DCUN1D2: variants seen among roughly 807,000 people sequenced by gnomAD.
The protein encoded by DCUN1D2 is DCN1-like protein 2.
DCUN1D2 carries 29 observed loss-of-function variants against 30.9 expected under a neutral mutation model. The observed-to-expected ratio is 0.94, with a 90% CI of 0.70 to 1.28. The LOEUF is 1.28. Ranked by LOEUF, DCUN1D2 falls within the 50% of genes most tolerant of loss-of-function variation. DCUN1D2 has a pLI of 0.00. For missense variants in DCUN1D2, 325 were observed against 316.9 expected (o/e 1.03, Z -0.19); for synonymous variants, 121 against 115.3 (o/e 1.05, Z -0.32).
chr13:113,479,117 G>A lies in DCUN1D2; in HGVS notation c.389+1458C>T, dbSNP rs141213281. 481 of 152,230 alleles carry A rather than the reference G, an allele frequency of 3.2e-3. 4 individuals carry two copies. Among genetic ancestry groups the A allele is most frequent in the African/African-American group, 0.011 (456 of 41,560 alleles). 9.4% of individuals were successfully genotyped at this position (152,230 alleles called of 1,614,324 possible). A position where few individuals can be genotyped will look rare whatever the true frequency, so the allele number is the denominator to read the frequency against. ...AAAAGAATATGTATTCTTAAGCATC[G>A]AAGGCAACATTCTAAATGTTCTCCT... On this transcript the variant is annotated intron_variant, in intron 3 of 6. Transcript: ENST00000478244.
intron 6 of DCUN1D2, among the ~76,000 whole-genome samples, chr13:113,458,447 T>C (rs866250740): frequency 3.3e-5 from 5 of 152,176 alleles, no homozygotes; most frequent in African/African-American, 7.2e-5. Context: ...CCTCAGGTCA[T>C]TGGTATTCTT....
chr13:113,461,060 G>T lies in DCUN1D2; in HGVS notation c.597C>A (p.Phe199Leu). Residue 199 changes from phenylalanine (F) to leucine (L), a missense_variant, in exon 5 of 7, where the codon TTC becomes TTA. By Grantham distance (22) the Phe-to-Leu change is conservative. Transcript: ENST00000478244. ...RFKFLDLWNT[F>L]LMEHHKRSIP... is the part of the protein sequence containing the mutation. Reference sequence around the variant, plus strand: ...GATGCAGGAGGACACTTACCATTAAGAATGTGTTCCAGAGATCTAAAAATT... The same window carrying T: ...GATGCAGGAGGACACTTACCATTAATAATGTGTTCCAGAGATCTAAAAATT... 1 of 1,603,720 alleles carries T rather than the reference G, an allele frequency of 6.2e-7. No individual in the cohort carries two copies. Among genetic ancestry groups the T allele is most frequent in the Non-Finnish European group, 8.5e-7 (1 of 1,171,840 alleles).
intron 2 of DCUN1D2, among the ~76,000 whole-genome samples, chr13:113,480,974 G>GA (rs11352484): frequency 0.45 from 66,948 of 147,666 alleles, 17,745 homozygotes; most frequent in African/African-American, 0.75. Context: ...GGGTTTTAGG[G>GA]AAAAAAAAAA....
chr13:113,462,855 T>C, intron 4 of DCUN1D2: 1 of 1,258,576 alleles, frequency 7.9e-7, no homozygotes, highest in Non-Finnish European at 1.0e-6. Context: ...CTCATCTTAA[T>C]GATGTAAAGC....
At chr13:113,462,617 C>T (rs1394996456) in intron 4 of DCUN1D2, 1 of 317,514 alleles carries the variant, frequency 3.1e-6, no homozygotes, top group Non-Finnish European at 4.6e-6. Context: ...CTAAATTCCC[C>T]GTGTGCAAAG....
chr13:113,474,301 A>G (rs2044574420), intron 3 of DCUN1D2, 47 bp from the exon 4 acceptor site: 8 of 1,604,478 alleles, frequency 5.0e-6, no homozygotes, highest in Non-Finnish European at 6.8e-6. Flanking sequence ...GCGCCTCCCT[A>G]GTCGACTCCC....
intron 1 of DCUN1D2, among the ~76,000 whole-genome samples, chr13:113,486,146 A>ATAC (rs2044798828): frequency 6.6e-6 from 1 of 152,162 alleles, no homozygotes; most frequent in East Asian, 1.9e-4. Flanking sequence ...TGCTACATAT[A>ATAC]TACCATGGCA....
chr13:113,475,744 G>C (rs2044605922), intron 3 of DCUN1D2: 1 of 152,520 alleles, frequency 6.6e-6, no homozygotes, highest in Admixed American at 6.5e-5. Context: ...AACTAGCCAG[G>C]TGTGGTGGCA....
chr13:113,480,605 T>G lies in DCUN1D2; in HGVS notation c.359A>C (p.Lys120Thr), dbSNP rs764259447. The G allele has an allele frequency of 6.2e-7, 1 of 1,614,164 alleles. No homozygotes were observed. The highest frequency in any genetic ancestry group is 1.7e-5 in the Admixed American group (1 of 60,020). Residue 120 changes from lysine (K) to threonine (T), a missense_variant, in exon 3 of 7, where the codon AAG (lysine) becomes ACG (threonine). By Grantham distance (78) the Lys-to-Thr change is moderately conservative. Transcript: ENST00000478244. ...TTCTGTCATGCCATCTAGAAATTCC[T>G]TTCTGCTAAATTCACACTGAGTTGC... is the stretch of plus-strand genomic sequence containing the variant. ...RAATQCEFSR[K>T]EFLDGMTELG...
At chr13:113,471,963 C>T (rs557206831) in intron 4 of DCUN1D2, among the ~76,000 whole-genome samples, 2 of 152,296 alleles carry the variant, frequency 1.3e-5, no homozygotes, top group Admixed American at 1.3e-4. Context: ...GGAGGCCTGG[C>T]TGTGTGCCTG....
At chr13:113,474,989 C>T (rs529481585) in intron 3 of DCUN1D2, among the ~76,000 whole-genome samples, 1 of 152,266 alleles carries the variant, frequency 6.6e-6, no homozygotes, top group African/African-American at 2.4e-5. Context: ...AGTCAACAGC[C>T]TCTAAGGCAG....
intron 2 of DCUN1D2, among the ~76,000 whole-genome samples, chr13:113,481,655 G>A (rs1261910818): frequency 1.3e-5 from 2 of 151,926 alleles, no homozygotes; most frequent in Non-Finnish European, 2.9e-5. Context: ...AGGCCGAGGC[G>A]GGTGGATCAC....
At chr13:113,466,759 G>A (rs2044409095) in intron 4 of DCUN1D2, among the ~76,000 whole-genome samples, 1 of 151,822 alleles carries the variant, frequency 6.6e-6, no homozygotes, top group African/African-American at 2.4e-5. Flanking sequence ...GGACGGGATG[G>A]CATATTGTTA....
chr13:113,485,279 T>C (rs966466206), intron 1 of DCUN1D2, among the ~76,000 whole-genome samples: 1 of 152,046 alleles, frequency 6.6e-6, no homozygotes, highest in East Asian at 1.9e-4. Context: ...CTTGTTCAAA[T>C]AAAGATGAGA....
intron 4 of DCUN1D2, among the ~76,000 whole-genome samples, chr13:113,468,043 TA>T (rs59075073): frequency 0.4 from 38,474 of 97,166 alleles, 7,334 homozygotes; most frequent in African/African-American, 0.63. Flanking sequence ...GGATCCATCT[TA>T]AAAAAAAAAA....
chr13:113,490,541 C>A lies in DCUN1D2; in HGVS notation c.3+126G>T. 3 of 996,088 alleles carry A rather than the reference C, an allele frequency of 3.0e-6. No homozygotes were observed. Among genetic ancestry groups the A allele is most frequent in the East Asian group, 3.9e-5 (1 of 25,328 alleles). 61.7% of individuals were successfully genotyped at this position (996,088 alleles called of 1,614,324 possible). The stretch of plus-strand genomic sequence containing the variant: ...CCCGCGGCGCGTTCCTCCCTCGGAT[C>A]CACGCGGAACGCCCCGCGCAGCTCG... On this transcript the variant is annotated intron_variant, in intron 1 of 6. Coordinates refer to ENST00000478244, the MANE Select transcript of DCUN1D2 (RefSeq NM_001014283.2). The surrounding 1 kb of genome is among the most constrained non-coding windows in gnomAD (Gnocchi z 5.2).
intron 5 of DCUN1D2, 129 bp downstream of exon 5, chr13:113,460,925 C>G (rs1259888704): frequency 3.3e-6 from 2 of 608,252 alleles, no homozygotes; most frequent in Admixed American, 3.5e-5. Context: ...ACCTGCGGAT[C>G]TTTGTGTGGG....
chr13:113,471,727 C>T (rs1458292005), intron 4 of DCUN1D2, among the ~76,000 whole-genome samples: 1 of 152,174 alleles, frequency 6.6e-6, no homozygotes, highest in Non-Finnish European at 1.5e-5. Context: ...TAACGATCTA[C>T]GCCAGAAGAA....
At chr13:113,490,743 C>T, upstream of DCUN1D2, 1 of 1,156,490 alleles carries the variant, frequency 8.6e-7, no homozygotes, top group Non-Finnish European at 1.1e-6. This position sits in a 1 kb window ranked among gnomAD's most constrained non-coding sequence, Gnocchi z 5.2. Flanking sequence ...CCCTCGTCCT[C>T]GGACGGCCGC....
Sources: allele counts gnomAD v4.1 joint callset (sites outside exome capture counted in the v4.1 genomes callset), GRCh38; gene constraint gnomAD v4.1.1; non-coding constraint Gnocchi (gnomAD v3.1); transcripts MANE v1.5; gene names NCBI Gene and HGNC (gene_info 2026-07-23, HGNC 2026-07-21).